The following LRRC8D variants were observed in gnomAD, a reference collection of about 807,000 sequenced individuals.
LRRC8D encodes leucine rich repeat containing 8 VRAC subunit D, also known as volume-regulated anion channel subunit LRRC8D.
In LRRC8D, 20 loss-of-function variants were observed where a neutral mutation model predicts 55.8. The observed-to-expected ratio is 0.36, with a 90% CI of 0.25 to 0.52. The LOEUF is 0.52. Ranked by LOEUF, LRRC8D falls within the 20% of genes least tolerant of loss-of-function variation. The pLI, the probability that LRRC8D is intolerant of heterozygous loss-of-function variation, is 0.93. For missense variants in LRRC8D, 651 were observed against 1,030.8 expected, an observed-to-expected ratio of 0.63 and a Z score of 5.05; for synonymous variants, 352 against 377.0, an observed-to-expected ratio of 0.93 and a Z score of 0.77.
chr1:89,874,172 A>C (rs987942252), intron 2 of LRRC8D, among the ~76,000 whole-genome samples: 7 of 152,188 alleles, frequency 4.6e-5, no homozygotes, highest in African/African-American at 1.7e-4. Flanking sequence ...CTCCTACACA[A>C]AGCTGAAAAC....
chr1:89,822,708 G>A (rs1242757716), intron 1 of LRRC8D, among the ~76,000 whole-genome samples: 1 of 152,098 alleles, frequency 6.6e-6, no homozygotes, highest in Non-Finnish European at 1.5e-5. Context: ...GACCTTCCTC[G>A]CCATAGCATC....
Position 89,893,961 on chromosome 1 carries a change from G to A in LRRC8D, c.-2-39106G>A, listed in dbSNP as rs187275168. The stretch of plus-strand genomic sequence containing the variant: ...ATTAGAGCAATATATGCTGGAAGCA[G>A]AGGGCTCTTGTTATGGACTAAGTGT... On this transcript the variant is annotated intron_variant, in intron 2 of 2. Transcript: ENST00000337338. Among the ~76,000 whole-genome samples, 33 of 152,362 alleles carry A rather than the reference G, an allele frequency of 2.2e-4. No individual in the cohort carries two copies. The East Asian group carries it at 5.8e-3, about 27-fold the overall frequency.
chr1:89,933,037 A>T lies in LRRC8D; in HGVS notation c.-2-30A>T. On this transcript the variant is annotated intron_variant, in intron 2 of 2. Coordinates refer to ENST00000337338, the MANE Select transcript of LRRC8D (RefSeq NM_001134479.2). This position sits in a 1 kb window ranked among gnomAD's most constrained non-coding sequence, Gnocchi z 7.0. ...TTACTCTTTTCATTTGCATCTCTAG[A>T]ATAATGTCTTTTGTCTTCTTGTTTT... 1.3e-6 allele frequency: 2 copies of T among 1,582,770 alleles called. No homozygotes were observed. Among genetic ancestry groups the T allele is most frequent in the Non-Finnish European group, 1.7e-6 (2 of 1,159,194 alleles).
chr1:89,855,263 T>C (rs1176168877), intron 2 of LRRC8D, among the ~76,000 whole-genome samples: 1 of 152,224 alleles, frequency 6.6e-6, no homozygotes, highest in Admixed American at 6.5e-5. Context: ...TTCATCACTC[T>C]TCTGAGTTGG....
intron 2 of LRRC8D, among the ~76,000 whole-genome samples, chr1:89,878,405 A>C (rs929574154): frequency 6.6e-6 from 1 of 152,244 alleles, no homozygotes; most frequent in African/African-American, 2.4e-5. Flanking sequence ...ATGAGAAGAA[A>C]GCCCTTGGCT....
At chr1:89,932,146 G>C (rs1663719058) in intron 2 of LRRC8D, among the ~76,000 whole-genome samples, 1 of 152,212 alleles carries the variant, frequency 6.6e-6, no homozygotes, top group Non-Finnish European at 1.5e-5. Flanking sequence ...TCAGCTGATA[G>C]TGAATAATAA....
At chr1:89,859,650 C>A (rs915014761) in intron 2 of LRRC8D, among the ~76,000 whole-genome samples, 1 of 152,128 alleles carries the variant, frequency 6.6e-6, no homozygotes, top group Non-Finnish European at 1.5e-5. Flanking sequence ...TAAATGTGAA[C>A]CATAATAACT....
intron 2 of LRRC8D, among the ~76,000 whole-genome samples, chr1:89,912,295 C>G (rs1444395852): frequency 6.6e-6 from 1 of 152,066 alleles, no homozygotes; most frequent in African/African-American, 2.4e-5. Flanking sequence ...TTGTTAAAAC[C>G]CTTCAGGGGT....
intron 1 of LRRC8D, among the ~76,000 whole-genome samples, chr1:89,842,677 C>G: frequency 6.6e-6 from 1 of 152,110 alleles, no homozygotes; most frequent in Non-Finnish European, 1.5e-5. Flanking sequence ...GTTACAAATG[C>G]GAATCCCCAT....
chr1:89,852,841 A>G (rs1661454733), intron 2 of LRRC8D, among the ~76,000 whole-genome samples: 1 of 152,116 alleles, frequency 6.6e-6, no homozygotes. Context: ...ACTAGGAGTG[A>G]ATGGAGCCAA....
At chr1:89,905,158 A>G (rs1383295746) in intron 2 of LRRC8D, among the ~76,000 whole-genome samples, 2 of 152,172 alleles carry the variant, frequency 1.3e-5, no homozygotes, top group African/African-American at 4.8e-5. Flanking sequence ...CACCTGTGTC[A>G]TTTGGCTTAG....
intron 1 of LRRC8D, among the ~76,000 whole-genome samples, chr1:89,833,402 C>CTTGT (rs1660931536): frequency 1.3e-5 from 2 of 152,214 alleles, no homozygotes; most frequent in Admixed American, 6.5e-5. Context: ...TGGCACCAGA[C>CTTGT]TTGTTTTTAA....
At chr1:89,822,134 T>A (rs1660651341) in intron 1 of LRRC8D, 1 of 152,496 alleles carries the variant, frequency 6.6e-6, no homozygotes, top group African/African-American at 2.4e-5. Context: ...TTTGATTTCT[T>A]AAAAAGCCAG....
Position 89,846,222 on chromosome 1 carries a change from G to A in LRRC8D, c.-3+2440G>A, listed in dbSNP as rs116506650. 2.2e-3 allele frequency among the ~76,000 whole-genome samples: 341 copies of A among 152,174 alleles called. 1 individual carries two copies. Among genetic ancestry groups the A allele is most frequent in the Middle Eastern group, 0.01 (3 of 294 alleles). On this transcript the variant is annotated intron_variant, in intron 2 of 2. Coordinates refer to ENST00000337338, the MANE Select transcript of LRRC8D (RefSeq NM_001134479.2). Reference sequence around the variant, plus strand: ...CCTCCAAATCTCCCATTTAAGAACAGAGTCTCCTTCTATTCTAGTGATATT... The same window carrying A: ...CCTCCAAATCTCCCATTTAAGAACAAAGTCTCCTTCTATTCTAGTGATATT...
In LRRC8D at chr1:89,925,304, A is replaced by G. The variant is rs557388342; in HGVS notation, c.-2-7763A>G. On this transcript the variant is annotated intron_variant, in intron 2 of 2. Transcript: ENST00000337338. The stretch of plus-strand genomic sequence containing the variant: ...AGATGGGACCGTCTAGTTGCAGGAA[A>G]AGCTCAGGGATCGCGCTGATTCCAC... Among the ~76,000 whole-genome samples the G allele has an allele frequency of 7.2e-5, 11 of 152,158 alleles. No individual in the cohort carries two copies. The East Asian group carries it at 2.1e-3, about 29-fold the overall frequency.
chr1:89,889,970 G>A (rs182526263), intron 2 of LRRC8D, among the ~76,000 whole-genome samples: 270 of 152,126 alleles, frequency 1.8e-3, no homozygotes, highest in African/African-American at 6.1e-3. Context: ...GGTGGATCAC[G>A]AGATCAGGAG....
intron 2 of LRRC8D, among the ~76,000 whole-genome samples, chr1:89,860,582 AC>A (rs1320029356): frequency 2.6e-5 from 4 of 151,134 alleles, no homozygotes; most frequent in African/African-American, 7.3e-5. Context: ...ACATGGTGAA[AC>A]CCTGTCTCTA....
chr1:89,844,154 A>G (rs554709322), intron 2 of LRRC8D, among the ~76,000 whole-genome samples: 1 of 151,858 alleles, frequency 6.6e-6, no homozygotes, highest in South Asian at 2.1e-4. Context: ...TTCCTCCCTT[A>G]CTGGTCTGGG....
intron 1 of LRRC8D, among the ~76,000 whole-genome samples, chr1:89,830,975 G>C (rs1005677366): frequency 4.9e-5 from 7 of 142,348 alleles, no homozygotes; most frequent in Admixed American, 7.4e-5. Flanking sequence ...CTGTGATCTT[G>C]GCTCACTGCA....
Sources: gnomAD v4.1 joint callset for allele counts (sites outside exome capture counted in the v4.1 genomes callset) on GRCh38, gnomAD v4.1.1 for gene constraint, Gnocchi (gnomAD v3.1) non-coding constraint, MANE v1.5 for transcripts, NCBI Gene and HGNC (gene_info 2026-07-23, HGNC 2026-07-21) for gene names.